Variants in PPP1R16B observed in about 807,000 individuals in gnomAD.
PPP1R16B encodes protein phosphatase 1 regulatory subunit 16B, also known as protein phosphatase 1 regulatory inhibitor subunit 16B.
Under a neutral mutation model 61.7 loss-of-function variants are expected in PPP1R16B, and 14 were observed. That is an observed-to-expected ratio of 0.23 (90% confidence interval 0.15 to 0.35). PPP1R16B has a LOEUF of 0.35. PPP1R16B is among the 10% of genes least tolerant of loss of function. PPP1R16B has a pLI of 1.00. For missense variants in PPP1R16B, 547 were observed against 752.5 expected, an observed-to-expected ratio of 0.73 and a Z score of 3.19; for synonymous variants, 266 against 305.3, an observed-to-expected ratio of 0.87 and a Z score of 1.34.
intron 10 of PPP1R16B, among the ~76,000 whole-genome samples, chr20:38,912,652 G>T (rs2085501842): frequency 1.3e-5 from 2 of 151,818 alleles, no homozygotes; most frequent in Admixed American, 1.3e-4. Flanking sequence ...TCCAGCCTGG[G>T]TGACAGAGTG....
chr20:38,831,460 G>A (rs2084836769), intron 1 of PPP1R16B, among the ~76,000 whole-genome samples: 1 of 152,244 alleles, frequency 6.6e-6, no homozygotes, highest in African/African-American at 2.4e-5. Context: ...CTTGTTCAGA[G>A]TGGAGCTCTG....
intron 2 of PPP1R16B, among the ~76,000 whole-genome samples, chr20:38,873,462 A>G (rs2085143920): frequency 6.6e-6 from 1 of 152,136 alleles, no homozygotes; most frequent in Non-Finnish European, 1.5e-5. Flanking sequence ...TGAAAGTAAC[A>G]ACAGATGTCT....
chr20:38,813,566 G>A (rs541904531), intron 1 of PPP1R16B, among the ~76,000 whole-genome samples: 38 of 152,208 alleles, frequency 2.5e-4, no homozygotes, highest in Non-Finnish European at 3.7e-4. Flanking sequence ...AGTGGCACTC[G>A]GCTAAAGGAG....
chr20:38,835,758 G>GGGAC, intron 1 of PPP1R16B, 67 bp from the exon 2 acceptor site: 1 of 823,478 alleles, frequency 1.2e-6, no homozygotes, highest in South Asian at 2.0e-5. Flanking sequence ...GGGGCGTTGG[G>GGGAC]GGACGATCAG....
chr20:38,837,550 T>C (rs1361379203), intron 2 of PPP1R16B, among the ~76,000 whole-genome samples: 1 of 149,706 alleles, frequency 6.7e-6, no homozygotes, highest in Non-Finnish European at 1.5e-5. Context: ...TTTTTTTTCT[T>C]TTTTTTTTTG....
intron 1 of PPP1R16B, among the ~76,000 whole-genome samples, chr20:38,820,117 A>C (rs1391379222): frequency 6.6e-6 from 1 of 152,192 alleles, no homozygotes; most frequent in Non-Finnish European, 1.5e-5. Flanking sequence ...TATATTGTTC[A>C]TTCTCATTGC....
intron 2 of PPP1R16B, among the ~76,000 whole-genome samples, chr20:38,869,651 A>G: frequency 6.6e-6 from 1 of 152,174 alleles, no homozygotes; most frequent in East Asian, 1.9e-4. Flanking sequence ...TTTTCTGGAA[A>G]GTCATGCAAG....
In PPP1R16B at chr20:38,892,924, G is replaced by C. The variant is rs550359634; in HGVS notation, c.322-2641G>C. ...GAGGGTTCCATGTGGCACAGTTAGA[G>C]AGCAGGGAGCCTCAGGGAGAGGTGC... is the stretch of plus-strand genomic sequence containing the variant. On this transcript the variant is annotated intron_variant, in intron 3 of 10. Coordinates refer to ENST00000299824, the MANE Select transcript of PPP1R16B (RefSeq NM_015568.4). 9.8e-5 allele frequency among the ~76,000 whole-genome samples: 15 copies of C among 152,316 alleles called. No individual in the cohort carries two copies. In the East Asian group the frequency reaches 2.7e-3, roughly 27 times the overall value.
chr20:38,851,619 G>A (rs2084969583), intron 2 of PPP1R16B, among the ~76,000 whole-genome samples: 1 of 152,220 alleles, frequency 6.6e-6, no homozygotes, highest in Non-Finnish European at 1.5e-5. Flanking sequence ...TGGTTGTTCA[G>A]TGGTGAACAA....
rs1054332639 is a variant in PPP1R16B at position 38,921,644 on chromosome 20, A to G, written c.*2978A>G. 2 of 152,228 alleles carry G rather than the reference A, an allele frequency of 1.3e-5. No individual in the cohort carries two copies. The highest frequency in any genetic ancestry group is 2.9e-5 in the Non-Finnish European group (2 of 68,048). 9.4% of individuals were successfully genotyped at this position (152,228 alleles called of 1,614,324 possible). A position where few individuals can be genotyped will look rare whatever the true frequency, so the allele number is the denominator to read the frequency against. On this transcript the variant is annotated 3_prime_UTR_variant, in exon 11 of 11. Transcript: ENST00000299824. ...CAGACATCATCCAGGTCCATCTGGA[A>G]CTTTCAGTGATAGCTGCCTTCAGCC...
intron 1 of PPP1R16B, among the ~76,000 whole-genome samples, chr20:38,820,956 G>A (rs372907881): frequency 2.7e-4 from 40 of 150,440 alleles, no homozygotes; most frequent in African/African-American, 9.8e-4. Flanking sequence ...CAGGAGAATG[G>A]CATGAACCCA....
chr20:38,876,067 G>A (rs2085164032), intron 2 of PPP1R16B, among the ~76,000 whole-genome samples: 2 of 150,020 alleles, frequency 1.3e-5, no homozygotes, highest in Admixed American at 6.7e-5. Flanking sequence ...CCGCCTCCCG[G>A]GTTCGGGCGA....
chr20:38,822,953 G>A (rs1053796589), intron 1 of PPP1R16B, among the ~76,000 whole-genome samples: 2 of 152,166 alleles, frequency 1.3e-5, no homozygotes, highest in Non-Finnish European at 2.9e-5. Context: ...TACCACTTTC[G>A]TGGGGTGAAA....
rs147438143 is a variant in PPP1R16B at position 38,863,688 on chromosome 20, C to A, written c.251-25907C>A. ...AAGGGAATTGCGAGAATTAAATGAA[C>A]CTGTGGATGTCATCCTAGAACAGTG... is the stretch of plus-strand genomic sequence containing the variant. On this transcript the variant is annotated intron_variant, in intron 2 of 10. Coordinates refer to ENST00000299824, the MANE Select transcript of PPP1R16B (RefSeq NM_015568.4). Among the ~76,000 whole-genome samples, 290 of 152,288 alleles carry A rather than the reference C, an allele frequency of 1.9e-3. 1 individual carries two copies. Among genetic ancestry groups the A allele is most frequent in the African/African-American group, 6.9e-3 (286 of 41,558 alleles).
intron 2 of PPP1R16B, among the ~76,000 whole-genome samples, chr20:38,837,014 G>A (rs1003965262): frequency 2.0e-5 from 3 of 152,226 alleles, no homozygotes; most frequent in African/African-American, 7.2e-5. Flanking sequence ...AATACTCACA[G>A]GATCTTGCAA....
At chr20:38,901,612 G>T (rs894323217) in intron 5 of PPP1R16B, among the ~76,000 whole-genome samples, 1 of 152,166 alleles carries the variant, frequency 6.6e-6, no homozygotes, top group African/African-American at 2.4e-5. Flanking sequence ...ATTTCACCAT[G>T]TTGGCCAGGC....
At chr20:38,851,955 C>T (rs2084971725) in intron 2 of PPP1R16B, among the ~76,000 whole-genome samples, 1 of 152,138 alleles carries the variant, frequency 6.6e-6, no homozygotes, top group Non-Finnish European at 1.5e-5. Flanking sequence ...ATTGCTTAAG[C>T]CCATGTGGGC....
At chr20:38,815,431 T>G (rs1428194467) in intron 1 of PPP1R16B, among the ~76,000 whole-genome samples, 1 of 152,222 alleles carries the variant, frequency 6.6e-6, no homozygotes. Flanking sequence ...GCTAAGATAG[T>G]TTCCAGTTTT....
At chr20:38,862,513 G>A (rs1474855496) in intron 2 of PPP1R16B, among the ~76,000 whole-genome samples, 5 of 152,186 alleles carry the variant, frequency 3.3e-5, no homozygotes, top group Non-Finnish European at 5.9e-5. Context: ...GAAAGCAAAT[G>A]TAGAGAGAAT....
Sources: gnomAD v4.1 joint callset for allele counts (sites outside exome capture counted in the v4.1 genomes callset) on GRCh38, gnomAD v4.1.1 for gene constraint, MANE v1.5 for transcripts, NCBI Gene and HGNC (gene_info 2026-07-23, HGNC 2026-07-21) for gene names.